The following SNTG1 variants were observed in gnomAD, a reference collection of about 807,000 sequenced individuals.
The protein encoded by SNTG1 is syntrophin gamma 1, also known as gamma-1-syntrophin.
A neutral mutation model predicts 74.7 loss-of-function variants in SNTG1; 39 were observed. That is an observed-to-expected ratio of 0.52 (90% CI 0.40 to 0.68). The LOEUF (loss-of-function observed/expected upper bound fraction) is 0.68, where lower values mean the gene tolerates loss of function less well. SNTG1 is among the 30% of genes least tolerant of loss of function. The pLI is 0.00. For synonymous variants in SNTG1, 254 were observed against 217.1 expected, an observed-to-expected ratio of 1.17 and a Z score of -1.49; for missense variants, 685 against 609.5, an observed-to-expected ratio of 1.12 and a Z score of -1.30.
intron 17 of SNTG1, among the ~76,000 whole-genome samples, chr8:50,741,580 A>G (rs1384935955): frequency 2.0e-5 from 3 of 152,214 alleles, no homozygotes; most frequent in Middle Eastern, 6.8e-3. Context: ...GCACATGGAT[A>G]TTTAGAGCAG....
At chr8:50,323,085 G>A (rs1024417922) in intron 2 of SNTG1, among the ~76,000 whole-genome samples, 16 of 146,596 alleles carry the variant, frequency 1.1e-4, no homozygotes, top group African/African-American at 3.5e-4. Context: ...TCCAGCCTGG[G>A]CAACAGAGCA....
At chr8:50,153,822 G>A (rs879584822) in intron 1 of SNTG1, among the ~76,000 whole-genome samples, 16 of 152,140 alleles carry the variant, frequency 1.1e-4, no homozygotes, top group Middle Eastern at 3.2e-3. Flanking sequence ...CTACTGGGGG[G>A]TGCCTCCCAG....
intron 2 of SNTG1, among the ~76,000 whole-genome samples, chr8:50,339,970 A>T (rs1227456092): frequency 6.6e-6 from 1 of 151,986 alleles, no homozygotes; most frequent in Admixed American, 6.6e-5. Context: ...TAAAAGTAAC[A>T]AAAGAAACAC....
chr8:50,727,120 T>C (rs1215710870), intron 17 of SNTG1, among the ~76,000 whole-genome samples: 2 of 152,052 alleles, frequency 1.3e-5, no homozygotes, highest in Non-Finnish European at 2.9e-5. Context: ...CTAAACTATA[T>C]TAGTGGTGTA....
At chr8:50,656,454 C>T (rs1357109564) in intron 13 of SNTG1, among the ~76,000 whole-genome samples, 1 of 152,112 alleles carries the variant, frequency 6.6e-6, no homozygotes, top group African/African-American at 2.4e-5. Context: ...AAGTGGTGTG[C>T]CGCCCTAGTG....
intron 1 of SNTG1, among the ~76,000 whole-genome samples, chr8:49,968,561 TA>T (rs1811361043): frequency 6.6e-6 from 1 of 152,154 alleles, no homozygotes; most frequent in Non-Finnish European, 1.5e-5. Context: ...TAATAAAGTT[TA>T]AAGTTTCCAG....
At position 50,656,909 on chromosome 8, in the gene SNTG1, A is replaced by G. The variant is rs1563702469; in HGVS notation, c.850A>G (p.Ile284Val). 4 of 1,600,898 alleles carry G rather than the reference A, an allele frequency of 2.5e-6. No individual in the cohort carries two copies. In the South Asian group the frequency reaches 4.5e-5, roughly 18 times the overall value. The change falls in exon 14 of 19, where the codon ATT becomes GTT. Residue 284 changes from isoleucine to valine, a missense_variant and splice_region_variant. Ile to Val is a conservative substitution (Grantham distance 29). Coordinates refer to ENST00000642720, the MANE Select transcript of SNTG1 (RefSeq NM_018967.5). Reference protein sequence around the residue: ...INRNFPVNQQIVYMGWCEARE... With the variant: ...INRNFPVNQQVVYMGWCEARE... ...TTGATTGTATTCCATTTTCTTGCAG[A>G]TTGTCTACATGGGCTGGTGTGAAGC...
chr8:50,714,170 C>T (rs1012756969), intron 17 of SNTG1, among the ~76,000 whole-genome samples: 1 of 152,034 alleles, frequency 6.6e-6, no homozygotes, highest in Middle Eastern at 3.4e-3. Context: ...TTTCTGATCC[C>T]TCTGTTCTCT....
intron 13 of SNTG1, among the ~76,000 whole-genome samples, chr8:50,615,035 T>A (rs2094876800): frequency 6.6e-6 from 1 of 151,310 alleles, no homozygotes; most frequent in South Asian, 2.1e-4. Context: ...CTCTGCCTCC[T>A]GGGTTCAAGC....
chr8:50,764,127 C>T (rs187437170), intron 18 of SNTG1, among the ~76,000 whole-genome samples: 8 of 151,798 alleles, frequency 5.3e-5, no homozygotes, highest in Non-Finnish European at 1.2e-4. Context: ...TTTTCATGTT[C>T]AGGAGAATGA....
chr8:50,247,738 G>A (rs1302021760), intron 2 of SNTG1, among the ~76,000 whole-genome samples: 1 of 151,526 alleles, frequency 6.6e-6, no homozygotes, highest in African/African-American at 2.4e-5. Context: ...TGCCCAGACT[G>A]GTCTTGAAGT....
intron 1 of SNTG1, among the ~76,000 whole-genome samples, chr8:50,074,972 A>G (rs889084909): frequency 3.9e-5 from 6 of 152,180 alleles, no homozygotes; most frequent in African/African-American, 1.4e-4. Flanking sequence ...TGCCGGCGCC[A>G]CTGGCCCCAG....
At chr8:50,392,255 G>T (rs1405012161) in intron 2 of SNTG1, among the ~76,000 whole-genome samples, 1 of 152,146 alleles carries the variant, frequency 6.6e-6, no homozygotes, top group East Asian at 1.9e-4. Context: ...GATTGGATTG[G>T]CTTTGATTGT....
intron 17 of SNTG1, among the ~76,000 whole-genome samples, chr8:50,716,304 C>A (rs1418677694): frequency 3.3e-5 from 5 of 152,028 alleles, no homozygotes; most frequent in Non-Finnish European, 5.9e-5. Flanking sequence ...AAAATGAATT[C>A]TTTCTTGAAA....
At chr8:50,420,612 A>G (rs1409872271) in intron 4 of SNTG1, among the ~76,000 whole-genome samples, 5 of 152,190 alleles carry the variant, frequency 3.3e-5, no homozygotes, top group Admixed American at 6.5e-5. Flanking sequence ...ATGTAAATAT[A>G]ATACATTTTC....
intron 17 of SNTG1, among the ~76,000 whole-genome samples, chr8:50,749,356 A>C (rs1322927556): frequency 6.6e-6 from 1 of 152,028 alleles, no homozygotes; most frequent in Non-Finnish European, 1.5e-5. Context: ...TAAGGAGAGA[A>C]GCCATCTCTA....
chr8:49,973,203 G>A (rs1011311761), intron 1 of SNTG1, among the ~76,000 whole-genome samples: 3 of 152,182 alleles, frequency 2.0e-5, no homozygotes, highest in Admixed American at 6.5e-5. Flanking sequence ...ATGAGTTCAT[G>A]TCCTTTGTAG....
At chr8:50,438,328 C>T (rs773347556) in intron 4 of SNTG1, among the ~76,000 whole-genome samples, 1 of 152,132 alleles carries the variant, frequency 6.6e-6, no homozygotes, top group Non-Finnish European at 1.5e-5. Flanking sequence ...GTTTATAACG[C>T]TTCAGTCCCT....
intron 2 of SNTG1, among the ~76,000 whole-genome samples, chr8:50,313,259 A>AT (rs1269792530): frequency 3.3e-5 from 5 of 150,094 alleles, no homozygotes; most frequent in Admixed American, 6.7e-5. Context: ...CTGAACAATG[A>AT]TTTTTTTGAA....
Sources: allele counts gnomAD v4.1 joint callset (sites outside exome capture counted in the v4.1 genomes callset), GRCh38; gene constraint gnomAD v4.1.1; transcripts MANE v1.5; gene names NCBI Gene and HGNC (gene_info 2026-07-23, HGNC 2026-07-21).